ZFHX3: variants seen among roughly 807,000 people sequenced by gnomAD.
The protein encoded by ZFHX3 is zinc finger homeobox protein 3.
A neutral mutation model predicts 279.1 loss-of-function variants in ZFHX3; 42 were observed. That is an observed-to-expected ratio of 0.15 (90% CI 0.12 to 0.19). ZFHX3 has a LOEUF of 0.19. Ranked by LOEUF, ZFHX3 falls within the 10% of genes least tolerant of loss-of-function variation. The pLI, the probability that ZFHX3 is intolerant of heterozygous loss-of-function variation, is 1.00. For missense variants in ZFHX3, 4,981 were observed against 4,754.0 expected, an observed-to-expected ratio of 1.05 and a Z score of -1.40; for synonymous variants, 2,293 against 1,957.8, an observed-to-expected ratio of 1.17 and a Z score of -4.52.
At chr16:73,144,677 A>C (rs1310318869) in intron 5 of ZFHX3, among the ~76,000 whole-genome samples, 3 of 152,164 alleles carry the variant, frequency 2.0e-5, no homozygotes. Flanking sequence ...AATGCAGAAG[A>C]CATTCCCTAA....
intron 5 of ZFHX3, among the ~76,000 whole-genome samples, chr16:73,215,588 T>G (rs1300315414): frequency 6.6e-6 from 1 of 152,214 alleles, no homozygotes; most frequent in Non-Finnish European, 1.5e-5. Context: ...GTTCTCTGTG[T>G]TGCTCAATGG....
intron 2 of ZFHX3, among the ~76,000 whole-genome samples, chr16:73,481,887 G>A (rs1037153204): frequency 1.3e-5 from 2 of 152,108 alleles, no homozygotes; most frequent in African/African-American, 4.8e-5. Context: ...GCACGGTCAT[G>A]GGTTATGTCA....
chr16:73,099,568 G>T (rs1237333025), intron 7 of ZFHX3, among the ~76,000 whole-genome samples: 1 of 151,990 alleles, frequency 6.6e-6, no homozygotes, highest in Admixed American at 6.6e-5. Context: ...AAAATTAGCT[G>T]GGTGTGGTTG....
chr16:73,111,252 A>T (rs998349641), intron 7 of ZFHX3, among the ~76,000 whole-genome samples: 1 of 152,004 alleles, frequency 6.6e-6, no homozygotes, highest in African/African-American at 2.4e-5. Context: ...GCATTTTTCT[A>T]TTATCCTATT....
chr16:72,937,515 G>A (rs1263648558), intron 3 of ZFHX3, among the ~76,000 whole-genome samples: 1 of 152,244 alleles, frequency 6.6e-6, no homozygotes, highest in Non-Finnish European at 1.5e-5. Context: ...AGGGGACATG[G>A]TGAGTCAACT....
chr16:73,511,297 C>G lies in ZFHX3; in HGVS notation c.-1546-55039G>C, dbSNP rs565672680. On this transcript the variant is annotated intron_variant, in intron 2 of 17. Transcript: ENST00000641206. ...GCCTTCCTCTGTTCTATGTCTCTTT[C>G]CCACCATGACCTCACTCCTATCATC... Among the ~76,000 whole-genome samples, 58 of 152,330 alleles carry G rather than the reference C, an allele frequency of 3.8e-4. No individual in the cohort carries two copies. The South Asian group carries it at 0.011, about 30-fold the overall frequency.
intron 1 of ZFHX3, among the ~76,000 whole-genome samples, chr16:72,984,997 A>G (rs563952850): frequency 6.6e-6 from 1 of 152,252 alleles, no homozygotes; most frequent in Non-Finnish European, 1.5e-5. Flanking sequence ...AAGAGGAAAA[A>G]AACAAAGCCA....
chr16:73,268,333 A>C (rs1210121883), intron 4 of ZFHX3, among the ~76,000 whole-genome samples: 1 of 152,212 alleles, frequency 6.6e-6, no homozygotes, highest in Non-Finnish European at 1.5e-5. Flanking sequence ...CTCAAACTCT[A>C]TATGAATCTG....
intron 3 of ZFHX3, chr16:73,455,919 C>G (rs2143569640): frequency 6.6e-6 from 1 of 151,936 alleles, no homozygotes. Flanking sequence ...TGCTGGGTGT[C>G]CCTTGACAAA....
chr16:72,892,733 C>A (rs1353530397), intron 3 of ZFHX3, among the ~76,000 whole-genome samples: 1 of 152,126 alleles, frequency 6.6e-6, no homozygotes, highest in Non-Finnish European at 1.5e-5. Flanking sequence ...GTCTCGAACT[C>A]CTGACTTCAA....
At chr16:73,786,746 T>C (rs1015896867) in intron 1 of ZFHX3, among the ~76,000 whole-genome samples, 1 of 152,210 alleles carries the variant, frequency 6.6e-6, no homozygotes, top group Non-Finnish European at 1.5e-5. Context: ...AGGCTTCTGA[T>C]GAATTTAGGG....
At chr16:73,127,190 C>T (rs764956606) in intron 7 of ZFHX3, 15 of 444,138 alleles carry the variant, frequency 3.4e-5, no homozygotes, top group Non-Finnish European at 5.2e-5. Context: ...AGGGTCTGAT[C>T]GATGCAAACC....
chr16:73,765,413 C>T (rs996304992), intron 1 of ZFHX3, among the ~76,000 whole-genome samples: 3 of 152,196 alleles, frequency 2.0e-5, no homozygotes, highest in African/African-American at 7.2e-5. Context: ...TGATCTTATA[C>T]ACTGATCTAA....
Position 72,959,361 on chromosome 16 carries a change from T to C in ZFHX3, c.785A>G (p.Asn262Ser), listed in dbSNP as rs1186648617. Residue 262 changes from asparagine to serine, a missense_variant, in exon 2 of 10, where the codon AAC becomes AGC. Physicochemically the swap from Asn to Ser is conservative, Grantham distance 46. Transcript: ENST00000268489. ...KSSCVSKDVP[N>S]NVDLSKFDGF... ...ATCGAATTTGGACAGGTCCACATTG[T>C]TGGGAACATCTTTGGATACGCAGGA... 1 of 1,614,236 alleles carries C rather than the reference T, an allele frequency of 6.2e-7. No homozygotes were observed. Among genetic ancestry groups the C allele is most frequent in the Admixed American group, 1.7e-5 (1 of 60,026 alleles).
At chr16:73,726,961 T>C (rs192420427) in intron 1 of ZFHX3, among the ~76,000 whole-genome samples, 1 of 152,292 alleles carries the variant, frequency 6.6e-6, no homozygotes, top group African/African-American at 2.4e-5. Context: ...TCTTCAGACA[T>C]TGTCAACATT....
chr16:73,082,412 C>T lies in ZFHX3; in HGVS notation c.-533+10823G>A, dbSNP rs200686497. ...CCTCCCGAATAGCTGGGACTACAGG[C>T]GCCCGCTACCACGCCCGGCTAATTT... On this transcript the variant is annotated intron_variant, in intron 8 of 17. Coordinates refer to the ZFHX3 transcript ENST00000641206. Among the ~76,000 whole-genome samples the T allele has an allele frequency of 5.3e-5, 8 of 151,958 alleles. No individual in the cohort carries two copies. The East Asian group carries it at 9.7e-4, about 18-fold the overall frequency.
At position 73,824,007 on chromosome 16, in the gene ZFHX3, A is replaced by T. The variant is rs74435643; in HGVS notation, c.-1608+67644T>A. On this transcript the variant is annotated intron_variant, in intron 1 of 17. Coordinates refer to the ZFHX3 transcript ENST00000641206. ...AACTACACTCCAGGAAAGTTGATGG[A>T]ACCTTGACATCTCAAGTTGATTCCC... 2.6e-3 allele frequency among the ~76,000 whole-genome samples: 392 copies of T among 152,338 alleles called. 4 individuals are homozygous for T. The highest frequency in any genetic ancestry group is 8.5e-3 in the African/African-American group (352 of 41,594).
chr16:72,927,982 C>T (rs1297403012), intron 3 of ZFHX3, among the ~76,000 whole-genome samples: 1 of 129,256 alleles, frequency 7.7e-6, no homozygotes, highest in Non-Finnish European at 1.7e-5. Flanking sequence ...GGCCACTGTG[C>T]CTTTGGAAGC....
intron 3 of ZFHX3, among the ~76,000 whole-genome samples, chr16:73,436,961 G>C (rs889211373): frequency 3.3e-5 from 5 of 152,158 alleles, no homozygotes; most frequent in Non-Finnish European, 5.9e-5. Flanking sequence ...CTTGATTCAA[G>C]CTGGTCTTGC....
Sources: allele counts gnomAD v4.1 joint callset (sites outside exome capture counted in the v4.1 genomes callset), GRCh38; gene constraint gnomAD v4.1.1; transcripts MANE v1.5; gene names NCBI Gene and HGNC (gene_info 2026-07-23, HGNC 2026-07-21).